Variants in LGSN observed in about 807,000 individuals in gnomAD.
LGSN encodes lengsin.
A neutral mutation model predicts 19.5 loss-of-function variants in LGSN; 21 were observed. The observed-to-expected ratio is 1.07, with a 90% CI of 0.76 to 1.55. The LOEUF (loss-of-function observed/expected upper bound fraction) is 1.55. LGSN is among the 40% of genes most tolerant of loss of function. LGSN has a pLI of 0.00. For missense variants in LGSN, 673 were observed against 608.5 expected (o/e 1.11, Z -1.12); for synonymous variants, 257 against 215.6 (o/e 1.19, Z -1.68).
the LGSN span, among the ~76,000 whole-genome samples, chr6:63,414,869 T>C: frequency 0.11 from 17,295 of 151,742 alleles, 1,948 homozygotes; most frequent in African/African-American, 0.3. Context: ...GAGCCAAGGT[T>C]ATGCCACTAC....
At chr6:63,384,402 C>T in the LGSN span, among the ~76,000 whole-genome samples, 1 of 151,966 alleles carries the variant, frequency 6.6e-6, no homozygotes, top group Non-Finnish European at 1.5e-5. Flanking sequence ...TTTTCCACTA[C>T]CGTTATGAGC....
At chr6:63,425,237 A>G in the LGSN span, among the ~76,000 whole-genome samples, 4 of 152,230 alleles carry the variant, frequency 2.6e-5, no homozygotes, top group Admixed American at 1.3e-4. Context: ...ACATGCAACT[A>G]CTGTACAACC....
At chr6:63,453,917 A>G in the LGSN span, among the ~76,000 whole-genome samples, 1 of 152,112 alleles carries the variant, frequency 6.6e-6, no homozygotes, top group African/African-American at 2.4e-5. Context: ...CGGCCTCCCA[A>G]AGTGCTAGGA....
At chr6:63,391,312 G>A in the LGSN span, among the ~76,000 whole-genome samples, 20 of 152,320 alleles carry the variant, frequency 1.3e-4, no homozygotes, top group African/African-American at 4.1e-4. Flanking sequence ...GAACCAAGAG[G>A]TTGTGTCTTA....
At chr6:63,518,148 C>T in the LGSN span, among the ~76,000 whole-genome samples, 18 of 137,972 alleles carry the variant, frequency 1.3e-4, no homozygotes, top group African/African-American at 2.6e-4. Flanking sequence ...AGTGAGACTC[C>T]GTCTCCAAAA....
the LGSN span, among the ~76,000 whole-genome samples, chr6:63,387,521 T>A: frequency 6.6e-6 from 1 of 152,186 alleles, no homozygotes; most frequent in South Asian, 2.1e-4. Flanking sequence ...GATTTTGATG[T>A]GCTCCAGAGG....
chr6:63,354,446 A>T, the LGSN span, among the ~76,000 whole-genome samples: 3 of 152,180 alleles, frequency 2.0e-5, no homozygotes, highest in Non-Finnish European at 2.9e-5. Flanking sequence ...ATGAGATACC[A>T]TCTTACCCCA....
At chr6:63,490,978 T>C in the LGSN span, among the ~76,000 whole-genome samples, 1 of 152,040 alleles carries the variant, frequency 6.6e-6, no homozygotes, top group African/African-American at 2.4e-5. Context: ...TTTTTTTTTT[T>C]GATTAGGGCC....
intron 1 of LGSN, among the ~76,000 whole-genome samples, chr6:63,311,223 C>T (rs1215934652): frequency 1.3e-5 from 2 of 152,204 alleles, no homozygotes; most frequent in Non-Finnish European, 2.9e-5. Context: ...GAAAGCTCTT[C>T]TCTTATCTCC....
chr6:63,293,926 G>A (rs1362283508), intron 2 of LGSN: 1 of 364,970 alleles, frequency 2.7e-6, no homozygotes, highest in Non-Finnish European at 5.4e-6. Context: ...ATAATATGGA[G>A]AGGAATACTT....
the LGSN span, among the ~76,000 whole-genome samples, chr6:63,464,255 G>A: frequency 6.6e-6 from 1 of 152,038 alleles, no homozygotes; most frequent in African/African-American, 2.4e-5. Flanking sequence ...TCTATAAAAT[G>A]GTAATAACAA....
chr6:63,322,042 GA>G (rs1484230454), upstream of LGSN, among the ~76,000 whole-genome samples: 1 of 152,186 alleles, frequency 6.6e-6, no homozygotes, highest in Admixed American at 6.5e-5. Context: ...CATTTCATGA[GA>G]ACAGATTGCA....
chr6:63,364,353 T>A, the LGSN span, among the ~76,000 whole-genome samples: 11 of 151,928 alleles, frequency 7.2e-5, no homozygotes, highest in Non-Finnish European at 2.9e-5. Context: ...CATTACATAA[T>A]GGTAAAGGAA....
intron 1 of LGSN, among the ~76,000 whole-genome samples, chr6:63,312,410 T>C (rs1390805375): frequency 2.0e-5 from 3 of 152,204 alleles, no homozygotes; most frequent in Non-Finnish European, 2.9e-5. Context: ...TTATTAAACT[T>C]TCTGTCCCTT....
intron 1 of LGSN, among the ~76,000 whole-genome samples, chr6:63,313,488 A>C (rs1768712349): frequency 6.6e-6 from 1 of 152,206 alleles, no homozygotes; most frequent in African/African-American, 2.4e-5. Flanking sequence ...GAGTACATAG[A>C]GGTTCAAGAA....
the LGSN span, among the ~76,000 whole-genome samples, chr6:63,500,413 T>C: frequency 6.6e-6 from 1 of 152,168 alleles, no homozygotes; most frequent in Non-Finnish European, 1.5e-5. Flanking sequence ...CAGGTTTATT[T>C]TTATTTTTAA....
chr6:63,463,566 T>C, the LGSN span, among the ~76,000 whole-genome samples: 2 of 152,210 alleles, frequency 1.3e-5, no homozygotes, highest in South Asian at 2.1e-4. Context: ...CTTTTAATAC[T>C]TTATGGTCTT....
the LGSN span, among the ~76,000 whole-genome samples, chr6:63,366,639 C>T: frequency 6.6e-6 from 1 of 152,026 alleles, no homozygotes; most frequent in Non-Finnish European, 1.5e-5. Context: ...CAAGACAATC[C>T]TAAACCAAAA....
the LGSN span, among the ~76,000 whole-genome samples, chr6:63,341,590 C>T: frequency 1.3e-5 from 2 of 152,102 alleles, no homozygotes; most frequent in African/African-American, 4.8e-5. Context: ...GCTAGTCCAC[C>T]TGTTCCCTGG....
Sources: gnomAD v4.1 joint callset for allele counts (sites outside exome capture counted in the v4.1 genomes callset) on GRCh38, gnomAD v4.1.1 for gene constraint, MANE v1.5 for transcripts, NCBI Gene and HGNC (gene_info 2026-07-23, HGNC 2026-07-21) for gene names.